PRKN: variants seen among roughly 807,000 people sequenced by gnomAD.
PRKN encodes the protein E3 ubiquitin-protein ligase parkin.
Under a neutral mutation model 59.5 loss-of-function variants are expected in PRKN, and 56 were observed. The observed-to-expected ratio is 0.94, with a 90% confidence interval of 0.76 to 1.18. The LOEUF (loss-of-function observed/expected upper bound fraction) is 1.18, where lower values mean the gene tolerates loss of function less well. Among genes scored for constraint, PRKN ranks in the 50% most tolerant of loss-of-function variants. The pLI is 0.00. For missense variants in PRKN, 657 were observed against 596.4 expected, an observed-to-expected ratio of 1.10 and a Z score of -1.06; for synonymous variants, 250 against 222.1, an observed-to-expected ratio of 1.13 and a Z score of -1.12.
At chr6:161,678,398 G>C (rs1022740989) in intron 7 of PRKN, among the ~76,000 whole-genome samples, 3 of 151,310 alleles carry the variant, frequency 2.0e-5, no homozygotes, top group Non-Finnish European at 4.4e-5. Context: ...TAACAAAGTG[G>C]ATGTAAACAT....
chr6:162,259,918 T>C (rs984522118), intron 3 of PRKN, among the ~76,000 whole-genome samples: 3 of 152,196 alleles, frequency 2.0e-5, no homozygotes, highest in African/African-American at 7.2e-5. Flanking sequence ...CTAAGAGTTC[T>C]GAAAAGGATT....
intron 1 of PRKN, among the ~76,000 whole-genome samples, chr6:162,459,725 A>C (rs2128173662): frequency 1.3e-5 from 2 of 152,364 alleles, no homozygotes; most frequent in African/African-American, 4.8e-5. Context: ...ATTAATGCAT[A>C]GTATACAGTA....
At chr6:161,569,223 G>C (rs1204959978) in intron 8 of PRKN, 132 bp downstream of exon 8, 6 of 770,268 alleles carry the variant, frequency 7.8e-6, no homozygotes, top group Non-Finnish European at 1.4e-5. Context: ...CATATCTCCA[G>C]CATGGTTTTC....
intron 7 of PRKN, among the ~76,000 whole-genome samples, chr6:161,779,849 A>G (rs569981166): frequency 6.6e-6 from 1 of 152,304 alleles, no homozygotes; most frequent in South Asian, 2.1e-4. Flanking sequence ...AAGAGAGATC[A>G]CCAGATAGAT....
intron 1 of PRKN, among the ~76,000 whole-genome samples, chr6:162,495,241 T>A (rs1289816576): frequency 1.3e-5 from 2 of 152,222 alleles, no homozygotes; most frequent in Non-Finnish European, 2.9e-5. Flanking sequence ...CTTACTTTTT[T>A]AAACTACTTA....
At chr6:162,472,474 T>TATATATATATATATATATATATATCTC (rs1791802887) in intron 1 of PRKN, among the ~76,000 whole-genome samples, 2 of 127,308 alleles carry the variant, frequency 1.6e-5, no homozygotes, top group Non-Finnish European at 1.7e-5. Flanking sequence ...TTTATTTTAT[T>TATATATATATATATATATATATATCTC]TTATTTTATT....
intron 4 of PRKN, among the ~76,000 whole-genome samples, chr6:162,067,346 G>A (rs919843016): frequency 1.3e-5 from 2 of 152,136 alleles, no homozygotes; most frequent in Non-Finnish European, 1.5e-5. Flanking sequence ...AATCAATGGA[G>A]CACACAAAAC....
At chr6:161,930,415 G>C (rs1406800667) in intron 6 of PRKN, among the ~76,000 whole-genome samples, 2 of 152,182 alleles carry the variant, frequency 1.3e-5, no homozygotes, top group Non-Finnish European at 2.9e-5. Context: ...TTCAAACATT[G>C]TCTGGGGACG....
At chr6:161,652,847 C>A (rs1311137924) in intron 7 of PRKN, among the ~76,000 whole-genome samples, 1 of 152,076 alleles carries the variant, frequency 6.6e-6, no homozygotes, top group African/African-American at 2.4e-5. Flanking sequence ...TCCAAAGAGC[C>A]CCAGGTGATG....
intron 10 of PRKN, among the ~76,000 whole-genome samples, chr6:161,364,473 C>CA (rs57773007): frequency 0.028 from 1,067 of 37,860 alleles, 230 homozygotes; most frequent in African/African-American, 0.089. Flanking sequence ...ACCCGCCCCG[C>CA]AAAAAAAAAA....
chr6:162,638,696 C>T (rs1777842547), intron 1 of PRKN, among the ~76,000 whole-genome samples: 1 of 150,060 alleles, frequency 6.7e-6, no homozygotes, highest in Non-Finnish European at 1.5e-5. Context: ...AGTACAAGTA[C>T]TTCCGTTTGG....
chr6:162,592,142 G>A (rs1434752824), intron 1 of PRKN, among the ~76,000 whole-genome samples: 1 of 152,136 alleles, frequency 6.6e-6, no homozygotes, highest in Non-Finnish European at 1.5e-5. Context: ...TGGGATTACA[G>A]ACACTCATCA....
At chr6:162,566,366 A>G (rs2128207443) in intron 1 of PRKN, among the ~76,000 whole-genome samples, 1 of 152,262 alleles carries the variant, frequency 6.6e-6, no homozygotes, top group Non-Finnish European at 1.5e-5. Context: ...TTGAAAAGTC[A>G]AACAAAATAG....
intron 7 of PRKN, among the ~76,000 whole-genome samples, chr6:161,714,363 A>G (rs1786879523): frequency 6.6e-6 from 1 of 152,162 alleles, no homozygotes; most frequent in African/African-American, 2.4e-5. Context: ...CTCCTCCCCC[A>G]TGAATGGGAT....
chr6:161,474,991 G>T (rs1044894762), intron 9 of PRKN, among the ~76,000 whole-genome samples: 1 of 151,508 alleles, frequency 6.6e-6, no homozygotes, highest in African/African-American at 2.4e-5. Context: ...TGCAACCTCC[G>T]CCTCCTGGGT....
At chr6:161,493,667 T>C (rs997266671) in intron 9 of PRKN, among the ~76,000 whole-genome samples, 5 of 152,228 alleles carry the variant, frequency 3.3e-5, no homozygotes, top group African/African-American at 1.2e-4. Flanking sequence ...GGAGGGACGC[T>C]GGCAACACCT....
intron 6 of PRKN, among the ~76,000 whole-genome samples, chr6:161,786,358 A>G (rs982766041): frequency 1.3e-5 from 2 of 152,162 alleles, no homozygotes; most frequent in Admixed American, 1.3e-4. Flanking sequence ...CTATTCCCAT[A>G]GTACCAGGCA....
At chr6:161,597,889 G>A (rs528318149) in intron 7 of PRKN, among the ~76,000 whole-genome samples, 9 of 152,204 alleles carry the variant, frequency 5.9e-5, no homozygotes, top group South Asian at 4.2e-4. Context: ...ACATGTGTGC[G>A]TACACACAGT....
intron 6 of PRKN, among the ~76,000 whole-genome samples, chr6:161,953,716 C>G (rs1780068785): frequency 6.6e-6 from 1 of 152,168 alleles, no homozygotes; most frequent in Non-Finnish European, 1.5e-5. Context: ...AGGGTCTCAT[C>G]ACTACAGCAT....
Sources: allele counts gnomAD v4.1 joint callset (sites outside exome capture counted in the v4.1 genomes callset), GRCh38; gene constraint gnomAD v4.1.1; transcripts MANE v1.5; gene names NCBI Gene and HGNC (gene_info 2026-07-23, HGNC 2026-07-21).